The following FRMD4B variants were observed in gnomAD, a reference collection of about 807,000 sequenced individuals.
FRMD4B encodes FERM domain containing 4B, also known as FERM domain-containing protein 4B.
Under a neutral mutation model 141.5 loss-of-function variants are expected in FRMD4B, and 74 were observed. The ratio of observed to expected loss-of-function variants is 0.52; its 90% CI spans 0.43 to 0.63. The LOEUF (loss-of-function observed/expected upper bound fraction) is 0.63. Among genes scored for constraint, FRMD4B ranks in the 30% least tolerant of loss-of-function variants. The pLI is 0.00. For synonymous variants in FRMD4B, 506 were observed against 467.9 expected (o/e 1.08, Z -1.05); for missense variants, 1,366 against 1,253.4 (o/e 1.09, Z -1.36).
intron 1 of FRMD4B, among the ~76,000 whole-genome samples, chr3:69,351,448 C>T (rs972946217): frequency 6.6e-6 from 1 of 152,138 alleles, no homozygotes; most frequent in African/African-American, 2.4e-5. Context: ...ATGGTTTTAC[C>T]TAGCACTATA....
At chr3:69,393,667 T>G (rs1704427209) in intron 2 of FRMD4B, among the ~76,000 whole-genome samples, 1 of 152,230 alleles carries the variant, frequency 6.6e-6, no homozygotes, top group South Asian at 2.1e-4. Flanking sequence ...GCACCATTTT[T>G]TTTCTATACT....
At chr3:69,498,218 G>C (rs1010928396) in intron 1 of FRMD4B, among the ~76,000 whole-genome samples, 1 of 152,190 alleles carries the variant, frequency 6.6e-6, no homozygotes, top group Non-Finnish European at 1.5e-5. Context: ...AATCAAGCTG[G>C]TGCTGTTGAA....
chr3:69,202,277 A>G (rs2092975783), intron 11 of FRMD4B, among the ~76,000 whole-genome samples: 2 of 152,160 alleles, frequency 1.3e-5, no homozygotes, highest in South Asian at 4.1e-4. Context: ...AGTTTAAAGG[A>G]AGATACAAGA....
chr3:69,236,232 T>G (rs978583494), intron 7 of FRMD4B, among the ~76,000 whole-genome samples: 10 of 151,574 alleles, frequency 6.6e-5, no homozygotes, highest in African/African-American at 1.9e-4. Context: ...GTTTTGGTTT[T>G]TTTTTTTTTT....
At chr3:69,507,879 A>G (rs1297753481) in intron 1 of FRMD4B, among the ~76,000 whole-genome samples, 1 of 152,170 alleles carries the variant, frequency 6.6e-6, no homozygotes, top group East Asian at 1.9e-4. Flanking sequence ...AAGAAAAATT[A>G]AGGTTTTTAA....
At chr3:69,178,094 T>C (rs930014326) in intron 21 of FRMD4B, among the ~76,000 whole-genome samples, 2 of 152,170 alleles carry the variant, frequency 1.3e-5, no homozygotes, top group African/African-American at 4.8e-5. Flanking sequence ...ATAAAACCAG[T>C]TCTGCTCCAC....
At chr3:69,418,909 A>G (rs1704922927) in intron 2 of FRMD4B, among the ~76,000 whole-genome samples, 1 of 152,152 alleles carries the variant, frequency 6.6e-6, no homozygotes. Flanking sequence ...AATTTGTGGT[A>G]ATTTGTTATG....
chr3:69,385,725 T>G, intron 1 of FRMD4B, 103 bp downstream of exon 1: 1 of 1,024,750 alleles, frequency 9.8e-7, no homozygotes, highest in Non-Finnish European at 1.3e-6. Context: ...CTGCTAGGAG[T>G]TTAAGAAGAG....
chr3:69,432,981 T>A (rs1705204140), intron 1 of FRMD4B: 1 of 152,206 alleles, frequency 6.6e-6, no homozygotes, highest in Admixed American at 6.5e-5. Context: ...ACTAAAGAGT[T>A]CATACCAATT....
chr3:69,187,709 T>G, intron 19 of FRMD4B, 61 bp downstream of exon 19: 2 of 1,509,318 alleles, frequency 1.3e-6, no homozygotes, highest in Non-Finnish European at 1.8e-6. Flanking sequence ...ATACATTGCA[T>G]TTTGGAGGAA....
chr3:69,206,940 G>C (rs947119707), intron 11 of FRMD4B, among the ~76,000 whole-genome samples: 2 of 152,040 alleles, frequency 1.3e-5, no homozygotes, highest in African/African-American at 4.8e-5. Flanking sequence ...AACAACTTTA[G>C]CTTATCAGTG....
At chr3:69,353,220 A>G (rs2107441731) in intron 1 of FRMD4B, among the ~76,000 whole-genome samples, 1 of 152,324 alleles carries the variant, frequency 6.6e-6, no homozygotes, top group Middle Eastern at 3.4e-3. Context: ...CACGACCTTT[A>G]AAGGAGCAAA....
chr3:69,216,421 T>C, intron 10 of FRMD4B, 72 bp from the exon 11 acceptor site: 8 of 705,876 alleles, frequency 1.1e-5, no homozygotes, highest in Non-Finnish European at 4.8e-6. Context: ...AATTTACCAA[T>C]TTCACCTCTT....
intron 5 of FRMD4B, among the ~76,000 whole-genome samples, chr3:69,260,869 T>C (rs959880140): frequency 6.6e-6 from 1 of 152,250 alleles, no homozygotes; most frequent in African/African-American, 2.4e-5. Flanking sequence ...CTTTTATATC[T>C]AGCTAGAGGA....
chr3:69,400,656 G>A (rs368089299), intron 2 of FRMD4B, among the ~76,000 whole-genome samples: 3 of 152,154 alleles, frequency 2.0e-5, no homozygotes, highest in South Asian at 4.1e-4. Context: ...AAGGTGGTGG[G>A]CAAGGTCTCT....
chr3:69,300,156 T>A (rs897666075), intron 4 of FRMD4B, among the ~76,000 whole-genome samples: 1 of 152,172 alleles, frequency 6.6e-6, no homozygotes, highest in African/African-American at 2.4e-5. Context: ...AAGACCTCCA[T>A]AGAACCAGCT....
At chr3:69,447,097 C>T (rs531165182) in intron 1 of FRMD4B, among the ~76,000 whole-genome samples, 11 of 152,260 alleles carry the variant, frequency 7.2e-5, no homozygotes, top group African/African-American at 2.4e-4. Flanking sequence ...GATCAACTAA[C>T]TGAAGCTTTA....
chr3:69,278,854 G>A (rs2093631049), intron 5 of FRMD4B, among the ~76,000 whole-genome samples: 1 of 152,144 alleles, frequency 6.6e-6, no homozygotes, highest in South Asian at 2.1e-4. Flanking sequence ...CTCCCAAAGT[G>A]CTGGGATTAG....
intron 1 of FRMD4B, among the ~76,000 whole-genome samples, chr3:69,441,950 C>T (rs910263396): frequency 2.6e-5 from 4 of 152,150 alleles, no homozygotes; most frequent in African/African-American, 7.2e-5. Flanking sequence ...GTGAAAGTGC[C>T]ACTGTCTATT....
Sources: gnomAD v4.1 joint callset for allele counts (sites outside exome capture counted in the v4.1 genomes callset) on GRCh38, gnomAD v4.1.1 for gene constraint, MANE v1.5 for transcripts, NCBI Gene and HGNC (gene_info 2026-07-23, HGNC 2026-07-21) for gene names.